The following PAPPA variants were observed in gnomAD, a reference collection of about 807,000 sequenced individuals.
PAPPA encodes pappalysin 1.
PAPPA carries 60 observed loss-of-function variants against 164.0 expected under a neutral mutation model. The ratio of observed to expected loss-of-function variants is 0.37; its 90% confidence interval spans 0.30 to 0.45. PAPPA has a LOEUF of 0.45. Among genes scored for constraint, PAPPA ranks in the 20% least tolerant of loss-of-function variants. The pLI, the probability that PAPPA is intolerant of heterozygous loss-of-function variation, is 1.00. For synonymous variants in PAPPA, 875 were observed against 814.1 expected (o/e 1.07, Z -1.27); for missense variants, 1,782 against 2,087.3 (o/e 0.85, Z 2.85).
At chr9:116,164,560 C>T (rs1249596703) in intron 1 of PAPPA, among the ~76,000 whole-genome samples, 1 of 152,170 alleles carries the variant, frequency 6.6e-6, no homozygotes, top group African/African-American at 2.4e-5. Flanking sequence ...GGGCAGCGTA[C>T]CACTAGTTGC....
chr9:116,289,032 A>C (rs1280262281), intron 9 of PAPPA: 1 of 150,900 alleles, frequency 6.6e-6, no homozygotes, highest in Non-Finnish European at 1.5e-5. Context: ...CCACTTGTCC[A>C]AGCTTCTTTC....
chr9:116,159,075 T>C (rs1285546293), intron 1 of PAPPA, among the ~76,000 whole-genome samples: 4 of 152,252 alleles, frequency 2.6e-5, no homozygotes. Context: ...AAATCTCAAC[T>C]GAAGCCCTGC....
chr9:116,159,757 C>T (rs1843646006), intron 1 of PAPPA, among the ~76,000 whole-genome samples: 1 of 152,098 alleles, frequency 6.6e-6, no homozygotes, highest in South Asian at 2.1e-4. Flanking sequence ...TTTCCCTGCA[C>T]AGAGGAAGGC....
intron 7 of PAPPA, among the ~76,000 whole-genome samples, chr9:116,260,036 A>G (rs1419336351): frequency 1.3e-5 from 2 of 152,212 alleles, no homozygotes; most frequent in African/African-American, 4.8e-5. Context: ...GATCTCAAAC[A>G]ATGCTAAGGA....
chr9:116,366,991 T>C (rs1846509474), intron 18 of PAPPA, among the ~76,000 whole-genome samples: 1 of 152,192 alleles, frequency 6.6e-6, no homozygotes, highest in Non-Finnish European at 1.5e-5. Context: ...ACTCGGCCAG[T>C]GCTCACTGAG....
chr9:116,386,573 A>T (rs149568285), intron 21 of PAPPA, among the ~76,000 whole-genome samples: 1 of 152,268 alleles, frequency 6.6e-6, no homozygotes, highest in East Asian at 1.9e-4. Flanking sequence ...CACTTGGCAA[A>T]TGAGTGGGGA....
At position 116,352,815 on chromosome 9, in the gene PAPPA, G is replaced by C. The variant is rs752898265; in HGVS notation, c.4074G>C (p.Gln1358His). ...APPPVPNADL[Q>H]TARCRENKHK... ...CCCCTGTGCCCAATGCAGACCTCCA[G>C]ACCGCCCGGTGCCGAGAGAATAAGC... is the stretch of plus-strand genomic sequence containing the variant. Residue 1358 changes from glutamine (Q) to histidine (H), a missense_variant, in exon 16 of 22, where the codon CAG becomes CAC. Physicochemically the swap from Gln to His is conservative, Grantham distance 24. This residue lies in a region of PAPPA where 1,324 missense variants were observed against 1,656.9 expected (regional missense o/e 0.80). Transcript: ENST00000328252. 1.2e-6 allele frequency: 2 copies of C among 1,613,978 alleles called. No individual in the cohort carries two copies. Among genetic ancestry groups the C allele is most frequent in the South Asian group, 1.1e-5 (1 of 91,060 alleles).
intron 5 of PAPPA, among the ~76,000 whole-genome samples, chr9:116,225,728 G>GT (rs1844498357): frequency 6.6e-6 from 1 of 152,076 alleles, no homozygotes; most frequent in South Asian, 2.1e-4. Context: ...ACAATGATAA[G>GT]GCTGAGAATG....
chr9:116,389,129 CTT>C (rs374938651), intron 21 of PAPPA, among the ~76,000 whole-genome samples: 24 of 128,806 alleles, frequency 1.9e-4, no homozygotes, highest in East Asian at 2.3e-4. Flanking sequence ...CAGAATAATC[CTT>C]TTTTTTTTTT....
intron 6 of PAPPA, among the ~76,000 whole-genome samples, chr9:116,231,760 C>CTTTTTATTTTT (rs1470170244): frequency 3.5e-4 from 1 of 2,826 alleles, no homozygotes; most frequent in Non-Finnish European, 6.6e-4. Flanking sequence ...CTTTTCTTTT[C>CTTTTTATTTTT]TTTTTCTTTT....
intron 7 of PAPPA, among the ~76,000 whole-genome samples, chr9:116,253,850 C>A (rs1844890305): frequency 6.6e-6 from 1 of 152,130 alleles, no homozygotes; most frequent in South Asian, 2.1e-4. Flanking sequence ...TAGCATACTA[C>A]CAAAATTTTC....
At chr9:116,162,668 C>A (rs1843681857) in intron 1 of PAPPA, among the ~76,000 whole-genome samples, 2 of 152,176 alleles carry the variant, frequency 1.3e-5, no homozygotes, top group Admixed American at 6.5e-5. Context: ...TTAACTGGGC[C>A]TCCATGTGGA....
rs544635287 is a variant in PAPPA, at chr9:116,366,893, G to C, written c.4496-752G>C. Among the ~76,000 whole-genome samples, 3 of 152,142 alleles carry C rather than the reference G, an allele frequency of 2.0e-5. No individual in the cohort carries two copies. The East Asian group carries it at 5.8e-4, about 29-fold the overall frequency. ...GATCATTAAAAATGCACTTGTTGGA[G>C]TGGGAAGGGTCTTTAAGGCACAGGG... is the stretch of plus-strand genomic sequence containing the variant. On this transcript the variant is annotated intron_variant, in intron 18 of 21. Coordinates refer to ENST00000328252, the MANE Select transcript of PAPPA (RefSeq NM_002581.5).
intron 12 of PAPPA, 65 bp downstream of exon 12, chr9:116,332,533 G>C: frequency 6.9e-7 from 1 of 1,449,580 alleles, no homozygotes; most frequent in Non-Finnish European, 9.6e-7. Flanking sequence ...CCCATAACTA[G>C]TTGTGAGGAT....
chr9:116,288,432 TCCC>T (rs1845369719), intron 9 of PAPPA, among the ~76,000 whole-genome samples: 1 of 41,134 alleles, frequency 2.4e-5, no homozygotes, highest in Admixed American at 2.1e-4. Context: ...CCTCCCTCCC[TCCC>T]TCCCTCCCTC....
intron 3 of PAPPA, among the ~76,000 whole-genome samples, chr9:116,210,858 A>G (rs1844297726): frequency 6.6e-6 from 1 of 152,138 alleles, no homozygotes; most frequent in African/African-American, 2.4e-5. Context: ...CTTGTCCTCA[A>G]GTGATGTACT....
intron 5 of PAPPA, among the ~76,000 whole-genome samples, chr9:116,225,112 A>T (rs1298863120): frequency 1.3e-5 from 2 of 152,232 alleles, no homozygotes; most frequent in East Asian, 3.8e-4. Flanking sequence ...ACAATGAAAC[A>T]TCTAAAGCAC....
intron 20 of PAPPA, among the ~76,000 whole-genome samples, chr9:116,382,163 T>C (rs1846739959): frequency 6.6e-6 from 1 of 152,010 alleles, no homozygotes; most frequent in African/African-American, 2.4e-5. Flanking sequence ...CATACTCTAG[T>C]TGGAAAAAAC....
chr9:116,196,488 G>A (rs964094314), intron 2 of PAPPA, among the ~76,000 whole-genome samples: 1 of 152,196 alleles, frequency 6.6e-6, no homozygotes, highest in Admixed American at 6.5e-5. Flanking sequence ...AGAGATGGTT[G>A]AACTGACAGA....
Sources: allele counts gnomAD v4.1 joint callset (sites outside exome capture counted in the v4.1 genomes callset), GRCh38; gene constraint gnomAD v4.1.1; regional missense constraint gnomAD v4.1.1; transcripts MANE v1.5; gene names NCBI Gene and HGNC (gene_info 2026-07-23, HGNC 2026-07-21).